Variants in IL1RAPL1 observed in about 807,000 individuals in gnomAD.
IL1RAPL1 encodes the protein interleukin-1 receptor accessory protein-like 1.
A neutral mutation model predicts 48.4 loss-of-function variants in IL1RAPL1; 3 were observed. That is an observed-to-expected ratio of 0.06 (90% CI 0.03 to 0.16). The LOEUF is 0.16. Among genes scored for constraint, IL1RAPL1 ranks in the 10% least tolerant of loss-of-function variants. The probability of loss-of-function intolerance (pLI) is 1.00; values close to 1 mark genes in which losing one functional copy is unlikely to be tolerated. For synonymous variants in IL1RAPL1, 185 were observed against 187.7 expected, an observed-to-expected ratio of 0.99 and a Z score of 0.12; for missense variants, 349 against 530.6, an observed-to-expected ratio of 0.66 and a Z score of 3.36.
chrX:29,021,390 A>G lies in IL1RAPL1; in HGVS notation c.82+231965A>G, dbSNP rs187263241. On this transcript the variant is annotated intron_variant, in intron 2 of 10. Coordinates refer to ENST00000378993, the MANE Select transcript of IL1RAPL1 (RefSeq NM_014271.4). ...GCCCTTTAGTGGTATCAGGTCTGTG[A>G]CTGATATGTCACAAGTTGATGATGA... is the stretch of plus-strand genomic sequence containing the variant. Among the ~76,000 whole-genome samples the G allele has an allele frequency of 1.6e-3, 182 of 110,518 alleles. 1 individual carries two copies. Among genetic ancestry groups the G allele is most frequent in the African/African-American group, 5.4e-3 (165 of 30,509 alleles).
chrX:29,067,336 T>C (rs1171210614), intron 2 of IL1RAPL1, among the ~76,000 whole-genome samples: 2 of 112,145 alleles, frequency 1.8e-5, no homozygotes, highest in African/African-American at 6.5e-5. Flanking sequence ...GACTGAGAAA[T>C]AGCAAACTCT....
At chrX:28,655,720 T>A (rs1194279221) in intron 1 of IL1RAPL1, among the ~76,000 whole-genome samples, 1 of 112,308 alleles carries the variant, frequency 8.9e-6, no homozygotes, top group African/African-American at 3.2e-5. Context: ...GTAACTCAAC[T>A]AGCCTCAGAA....
At chrX:28,651,505 T>G (rs2146904043) in intron 1 of IL1RAPL1, among the ~76,000 whole-genome samples, 1 of 112,433 alleles carries the variant, frequency 8.9e-6, no homozygotes, top group African/African-American at 3.2e-5. Context: ...TAGATGATTA[T>G]TAGGATCCTT....
At chrX:29,756,906 A>G (rs906069191) in intron 6 of IL1RAPL1, among the ~76,000 whole-genome samples, 1 of 111,854 alleles carries the variant, frequency 8.9e-6, no homozygotes, top group African/African-American at 3.3e-5. Context: ...AGAGACATCT[A>G]GACACATAGG....
intron 3 of IL1RAPL1, among the ~76,000 whole-genome samples, chrX:29,384,865 C>T (rs890114383): frequency 9.0e-6 from 1 of 111,478 alleles, no homozygotes; most frequent in Non-Finnish European, 1.9e-5. Flanking sequence ...AAAGGAGACA[C>T]AACATAGAAA....
intron 5 of IL1RAPL1, among the ~76,000 whole-genome samples, chrX:29,592,546 A>G (rs768149460): frequency 2.7e-5 from 3 of 111,455 alleles, no homozygotes; most frequent in Non-Finnish European, 5.7e-5. Context: ...CAACATGACC[A>G]TGCTTTTGTA....
chrX:29,714,420 T>C lies in IL1RAPL1; in HGVS notation c.778+45916T>C, dbSNP rs766086430. Among the ~76,000 whole-genome samples the C allele has an allele frequency of 1.6e-4, 18 of 112,205 alleles. No individual in the cohort carries two copies. The South Asian group carries it at 6.6e-3, about 41-fold the overall frequency. Reference sequence around the variant, plus strand: ...AACCAAAGAGTAATAAATTACTTTATTGTAGCAGCTTATTGCTTTGAACCT... The same window carrying C: ...AACCAAAGAGTAATAAATTACTTTACTGTAGCAGCTTATTGCTTTGAACCT... On this transcript the variant is annotated intron_variant, in intron 6 of 10. Coordinates refer to ENST00000378993, the MANE Select transcript of IL1RAPL1 (RefSeq NM_014271.4).
At chrX:29,407,894 T>A (rs1286335377) in intron 5 of IL1RAPL1, among the ~76,000 whole-genome samples, 5 of 112,525 alleles carry the variant, frequency 4.4e-5, no homozygotes, top group Non-Finnish European at 9.4e-5. Flanking sequence ...TATAATTTGA[T>A]ATGCATAAAA....
chrX:29,007,723 A>T (rs780595975), intron 2 of IL1RAPL1, among the ~76,000 whole-genome samples: 1 of 111,998 alleles, frequency 8.9e-6, no homozygotes, highest in East Asian at 2.8e-4. Flanking sequence ...GTGATTAAGC[A>T]AAAGTGAAAA....
At chrX:29,711,344 C>T (rs1032607617) in intron 6 of IL1RAPL1, among the ~76,000 whole-genome samples, 21 of 106,609 alleles carry the variant, frequency 2.0e-4, no homozygotes, top group African/African-American at 3.4e-4. Flanking sequence ...CCACCAGTCC[C>T]GGCTAATTTT....
chrX:29,884,295 C>T (rs1404392392), intron 6 of IL1RAPL1, among the ~76,000 whole-genome samples: 1 of 111,145 alleles, frequency 9.0e-6, no homozygotes, highest in Non-Finnish European at 1.9e-5. Flanking sequence ...ATGTGATTTC[C>T]AGTGACCACC....
chrX:29,426,686 T>C (rs1157879759), intron 5 of IL1RAPL1, among the ~76,000 whole-genome samples: 2 of 111,883 alleles, frequency 1.8e-5, no homozygotes, highest in African/African-American at 6.5e-5. Context: ...TTTAAAGGTA[T>C]ACAGAGCTAC....
At chrX:28,597,613 C>G (rs775389616) in intron 1 of IL1RAPL1, among the ~76,000 whole-genome samples, 8 of 110,428 alleles carry the variant, frequency 7.2e-5, no homozygotes, top group Non-Finnish European at 1.5e-4. Context: ...TGTCTGTAAT[C>G]CCAGCTACTT....
chrX:28,697,884 C>G (rs57955337), intron 1 of IL1RAPL1, among the ~76,000 whole-genome samples: 1,198 of 110,715 alleles, frequency 0.011, 12 homozygotes, highest in African/African-American at 0.037. Context: ...GTTGATGGCT[C>G]TGTCACTAAG....
intron 6 of IL1RAPL1, among the ~76,000 whole-genome samples, chrX:29,824,962 A>C (rs1930703424): frequency 9.1e-6 from 1 of 109,559 alleles, no homozygotes; most frequent in African/African-American, 3.4e-5. Context: ...TAAAGGAGTA[A>C]ATAAAAACAC....
chrX:29,551,544 T>G (rs1921817389), intron 5 of IL1RAPL1, among the ~76,000 whole-genome samples: 1 of 111,838 alleles, frequency 8.9e-6, no homozygotes, highest in African/African-American at 3.3e-5. Context: ...ATTGGCCTTA[T>G]TTCTGCAGTT....
At chrX:29,717,153 G>A (rs1395958684) in intron 6 of IL1RAPL1, among the ~76,000 whole-genome samples, 1 of 106,584 alleles carries the variant, frequency 9.4e-6, no homozygotes, top group Admixed American at 1.0e-4. Context: ...AATAAATGCT[G>A]GAAAAATTTA....
chrX:29,521,581 G>A (rs1404502322), intron 5 of IL1RAPL1, among the ~76,000 whole-genome samples: 1 of 112,437 alleles, frequency 8.9e-6, no homozygotes, highest in East Asian at 2.8e-4. Flanking sequence ...CCAGAATCCT[G>A]CTTGCATGCC....
intron 1 of IL1RAPL1, among the ~76,000 whole-genome samples, chrX:28,704,818 ACACACACAC>A (rs1935348577): frequency 1.9e-5 from 1 of 53,992 alleles, no homozygotes; most frequent in Non-Finnish European, 3.4e-5. Flanking sequence ...ACACACACAC[ACACACACAC>A]ACACAAAAAA....
Sources: gnomAD v4.1 joint callset for allele counts (sites outside exome capture counted in the v4.1 genomes callset) on GRCh38, gnomAD v4.1.1 for gene constraint, MANE v1.5 for transcripts, NCBI Gene and HGNC (gene_info 2026-07-23, HGNC 2026-07-21) for gene names.